The following CDH2 variants were observed in gnomAD, a reference collection of about 807,000 sequenced individuals.
The protein encoded by CDH2 is cadherin 2, also known as cadherin-2.
CDH2 carries 17 observed loss-of-function variants against 92.0 expected under a neutral mutation model. That is an observed-to-expected ratio of 0.18 (90% CI 0.13 to 0.28). The LOEUF is 0.28. Ranked by LOEUF, CDH2 falls within the 10% of genes least tolerant of loss-of-function variation. The pLI, the probability that CDH2 is intolerant of heterozygous loss-of-function variation, is 1.00. For synonymous variants in CDH2, 419 were observed against 415.9 expected (o/e 1.01, Z -0.09); for missense variants, 862 against 1,133.1 (o/e 0.76, Z 3.44).
chr18:27,961,619 A>C (rs1158612729), intron 15 of CDH2, among the ~76,000 whole-genome samples: 1 of 152,198 alleles, frequency 6.6e-6, no homozygotes, highest in Non-Finnish European at 1.5e-5. Flanking sequence ...GGGTAGAAGA[A>C]GGCAGGAATC....
At chr18:28,139,760 G>C (rs1387880829) in intron 2 of CDH2, among the ~76,000 whole-genome samples, 1 of 151,790 alleles carries the variant, frequency 6.6e-6, no homozygotes, top group East Asian at 1.9e-4. Context: ...GTTCTCAAAG[G>C]CTTGATATTT....
intron 2 of CDH2, among the ~76,000 whole-genome samples, chr18:28,087,320 T>C (rs1042345812): frequency 6.6e-6 from 1 of 152,160 alleles, no homozygotes. Flanking sequence ...GGGACAAAGA[T>C]GTAAACACAA....
chr18:28,025,082 G>T (rs1006809003), intron 2 of CDH2, among the ~76,000 whole-genome samples: 2 of 152,274 alleles, frequency 1.3e-5, no homozygotes, highest in African/African-American at 4.8e-5. Flanking sequence ...GAGATTAACT[G>T]AAGAATTTTG....
chr18:27,993,733 C>T (rs1485785926), intron 7 of CDH2, 96 bp from the exon 8 acceptor site: 5 of 893,126 alleles, frequency 5.6e-6, no homozygotes, highest in Non-Finnish European at 8.8e-6. Context: ...GCAAGGAGAG[C>T]ATGGCATCAT....
At chr18:28,072,234 A>T (rs899003054) in intron 2 of CDH2, among the ~76,000 whole-genome samples, 4 of 151,622 alleles carry the variant, frequency 2.6e-5, no homozygotes, top group Admixed American at 2.6e-4. Context: ...CCCTGGATGA[A>T]TTTTCTTTAT....
intron 8 of CDH2, 28 bp from the exon 9 acceptor site, chr18:27,992,868 G>A (rs1307293942): frequency 1.3e-6 from 2 of 1,578,960 alleles, no homozygotes; most frequent in South Asian, 1.1e-5. Flanking sequence ...CTCAGTCAGA[G>A]GAGGGGCATG....
In CDH2 at chr18:28,009,762, C is replaced by G. The variant is rs2013042959; in HGVS notation, c.657G>C (p.Leu219=). The part of the protein sequence containing the change: ...IFIINPISGQ[L]SVTKPLDREQ... The stretch of plus-strand genomic sequence containing the variant: ...CGCGATCCAGGGGCTTTGTCACCGA[C>G]AGCTGACCCGAGATGGGGTTGATAA... Residue 219 remains leucine (L), a synonymous_variant, in exon 5 of 16, where the codon CTG becomes CTC. Coordinates refer to ENST00000269141, the MANE Select transcript of CDH2 (RefSeq NM_001792.5). 1 of 1,614,028 alleles carries G rather than the reference C, an allele frequency of 6.2e-7. No individual in the cohort carries two copies. Among genetic ancestry groups the G allele is most frequent in the East Asian group, 2.2e-5 (1 of 44,864 alleles).
intron 1 of CDH2, 30 bp from the exon 2 acceptor site, chr18:28,147,814 G>A: frequency 8.5e-7 from 1 of 1,174,892 alleles, no homozygotes; most frequent in South Asian, 1.3e-5. Flanking sequence ...AAAAAAATGT[G>A]TGCAATGATT....
rs987144744 is a variant in CDH2 at position 28,001,448 on chromosome 18, T to A, written c.1020+1549A>T. ...TTAGGATTATGAAATGAACTAAATC[T>A]ACTTGGTATATGAGCAACCTGGCAC... On this transcript the variant is annotated intron_variant, in intron 7 of 15. Transcript: ENST00000269141. Among the ~76,000 whole-genome samples the A allele has an allele frequency of 2.0e-5, 3 of 152,236 alleles. No individual in the cohort carries two copies. The South Asian group carries it at 6.2e-4, about 32-fold the overall frequency.
intron 1 of CDH2, among the ~76,000 whole-genome samples, chr18:28,160,016 T>C (rs2016282342): frequency 6.6e-6 from 1 of 152,144 alleles, no homozygotes; most frequent in African/African-American, 2.4e-5. Flanking sequence ...GGCTGGTTTT[T>C]ATAGTTGGAG....
At chr18:27,964,293 A>C (rs2011484673) in intron 14 of CDH2, among the ~76,000 whole-genome samples, 1 of 152,220 alleles carries the variant, frequency 6.6e-6, no homozygotes, top group South Asian at 2.1e-4. Context: ...CAACTTGTGA[A>C]GAAGGATGCT....
At chr18:27,947,714 TA>T (rs1567930910), downstream of CDH2, among the ~76,000 whole-genome samples, 8 of 150,526 alleles carry the variant, frequency 5.3e-5, no homozygotes, top group Non-Finnish European at 1.2e-4. Flanking sequence ...GTATATGTGA[TA>T]TAAGTATGTG....
intron 15 of CDH2, among the ~76,000 whole-genome samples, chr18:27,956,688 A>G (rs1163019730): frequency 6.6e-6 from 1 of 152,192 alleles, no homozygotes; most frequent in African/African-American, 2.4e-5. Flanking sequence ...CACTCCCGCA[A>G]GTAAGACCTC....
intron 2 of CDH2, among the ~76,000 whole-genome samples, chr18:28,122,773 T>G (rs552164576): frequency 1.3e-5 from 2 of 152,316 alleles, no homozygotes; most frequent in African/African-American, 2.4e-5. Context: ...TCACTCTTAA[T>G]GCCTACGAAT....
chr18:28,127,493 T>G (rs942795570), intron 2 of CDH2, among the ~76,000 whole-genome samples: 1 of 151,696 alleles, frequency 6.6e-6, no homozygotes, highest in Non-Finnish European at 1.5e-5. Context: ...CGTGGCGCAA[T>G]GGTCAAGCCA....
In CDH2 at chr18:28,003,007, A is replaced by G. The variant is rs1391837593; in HGVS notation, c.1010T>C (p.Leu337Pro). The stretch of plus-strand genomic sequence containing the variant: ...TTTTGGTTGGCTTACTTCTCGATCA[A>G]GTCCAGCTGCCACTGTGATGATGTC... Reference protein sequence around the residue: ...TGDIITVAAGLDREKVQQYTL... With the variant: ...TGDIITVAAGPDREKVQQYTL... The change falls in exon 7 of 16, where the codon CTT becomes CCT. Residue 337 changes from leucine to proline, a missense_variant. Around this residue, in one of 5 missense-constraint regions of CDH2, gnomAD observed 564 missense variants for 722.2 expected, o/e 0.78. Coordinates refer to ENST00000269141, the MANE Select transcript of CDH2 (RefSeq NM_001792.5). The G allele has an allele frequency of 6.2e-7, 1 of 1,613,688 alleles. No homozygotes were observed. The highest frequency in any genetic ancestry group is 1.1e-5 in the South Asian group (1 of 91,028).
At chr18:28,176,942 C>A in intron 1 of CDH2, 21 bp downstream of exon 1, 1 of 1,287,774 alleles carries the variant, frequency 7.8e-7, no homozygotes, top group Admixed American at 3.7e-5. Context: ...CGTGGCCCGG[C>A]CCGCGGGGAC....
At chr18:28,007,070 G>C (rs1297634515) in intron 5 of CDH2, among the ~76,000 whole-genome samples, 2 of 149,382 alleles carry the variant, frequency 1.3e-5, no homozygotes, top group Non-Finnish European at 3.0e-5. Context: ...TGAGGCAGGA[G>C]AATTGCTTGA....
At chr18:28,175,131 G>T (rs1180523551) in intron 1 of CDH2, among the ~76,000 whole-genome samples, 1 of 152,178 alleles carries the variant, frequency 6.6e-6, no homozygotes, top group Admixed American at 6.5e-5. Context: ...GGAGGTCAAA[G>T]AATGAGGAGT....
Sources: allele counts gnomAD v4.1 joint callset (sites outside exome capture counted in the v4.1 genomes callset), GRCh38; gene constraint gnomAD v4.1.1; regional missense constraint gnomAD v4.1.1; transcripts MANE v1.5; gene names NCBI Gene and HGNC (gene_info 2026-07-23, HGNC 2026-07-21).